ANO2: variants seen among roughly 807,000 people sequenced by gnomAD.
The protein encoded by ANO2 is anoctamin-2.
ANO2 carries 101 observed loss-of-function variants against 124.2 expected under a neutral mutation model. The observed-to-expected ratio is 0.81, with a 90% CI of 0.69 to 0.96. The LOEUF (loss-of-function observed/expected upper bound fraction) is 0.96, where lower values mean the gene tolerates loss of function less well. Among genes scored for constraint, ANO2 ranks in the 40% least tolerant of loss-of-function variants. The pLI is 0.00. For missense variants in ANO2, 1,293 were observed against 1,274.5 expected (o/e 1.01, Z -0.22); for synonymous variants, 486 against 482.5 (o/e 1.01, Z -0.09).
chr12:5,854,235 C>T (rs966201375), intron 3 of ANO2, 94 bp from the exon 4 acceptor site: 17 of 1,124,108 alleles, frequency 1.5e-5, no homozygotes, highest in African/African-American at 9.4e-5. Flanking sequence ...GAGCCCAACC[C>T]GTTGTTCTTC....
intron 11 of ANO2, among the ~76,000 whole-genome samples, chr12:5,745,902 A>G (rs1186025856): frequency 6.6e-6 from 1 of 152,160 alleles, no homozygotes; most frequent in African/African-American, 2.4e-5. Context: ...TCTGGGTCAG[A>G]CCTGTGTTTG....
At chr12:5,941,696 T>C (rs919028312) in intron 1 of ANO2, among the ~76,000 whole-genome samples, 2 of 150,042 alleles carry the variant, frequency 1.3e-5, no homozygotes, top group African/African-American at 4.9e-5. Flanking sequence ...CACACCTAGA[T>C]ACATCAGAGT....
chr12:5,699,980 C>T (rs1949337919), intron 14 of ANO2, among the ~76,000 whole-genome samples: 2 of 152,322 alleles, frequency 1.3e-5, no homozygotes, highest in South Asian at 4.2e-4. Context: ...GACTCCCACA[C>T]AGTCATAATG....
At chr12:5,739,287 A>G (rs1385973098) in intron 13 of ANO2, 30 bp downstream of exon 13, 2 of 1,547,954 alleles carry the variant, frequency 1.3e-6, no homozygotes, top group South Asian at 2.4e-5. Flanking sequence ...AGCCCACAGA[A>G]GTATGTGAGA....
intron 1 of ANO2, among the ~76,000 whole-genome samples, chr12:5,928,493 C>T (rs879741145): frequency 0.12 from 15,884 of 133,036 alleles, 5,537 homozygotes; most frequent in East Asian, 0.34. Flanking sequence ...TCCTTCCTCA[C>T]TGGTCTACTT....
chr12:5,604,219 T>G (rs1944097000), intron 19 of ANO2, among the ~76,000 whole-genome samples: 1 of 151,966 alleles, frequency 6.6e-6, no homozygotes, highest in African/African-American at 2.4e-5. Flanking sequence ...AGGGCATGTG[T>G]GTGGTTGGTG....
intron 10 of ANO2, among the ~76,000 whole-genome samples, chr12:5,785,913 T>G (rs1952526641): frequency 6.6e-6 from 1 of 152,136 alleles, no homozygotes; most frequent in South Asian, 2.1e-4. Context: ...TAAGTGCCTC[T>G]GATATACACC....
At chr12:5,727,393 C>G (rs756780980) in intron 14 of ANO2, among the ~76,000 whole-genome samples, 12 of 151,924 alleles carry the variant, frequency 7.9e-5, no homozygotes, top group South Asian at 6.2e-4. Flanking sequence ...TTTCTAAACC[C>G]TACAGAACCA....
intron 12 of ANO2, 26 bp from the exon 13 acceptor site, chr12:5,739,425 A>C (rs1234254358): frequency 6.4e-7 from 1 of 1,561,506 alleles, no homozygotes; most frequent in African/African-American, 1.4e-5. Flanking sequence ...AAGAACAAAA[A>C]CCTTGATTAT....
intron 14 of ANO2, among the ~76,000 whole-genome samples, chr12:5,701,412 C>T (rs1949401625): frequency 6.6e-6 from 1 of 151,974 alleles, no homozygotes. Context: ...CCATTTTATC[C>T]ATTTCCTTGG....
chr12:5,752,342 C>T (rs1345962078), intron 10 of ANO2, among the ~76,000 whole-genome samples: 1 of 152,172 alleles, frequency 6.6e-6, no homozygotes, highest in Non-Finnish European at 1.5e-5. Flanking sequence ...AACAAGGGTT[C>T]CCTTTTCTCC....
At chr12:5,585,673 T>G (rs1328136866) in intron 20 of ANO2, among the ~76,000 whole-genome samples, 1 of 152,138 alleles carries the variant, frequency 6.6e-6, no homozygotes, top group African/African-American at 2.4e-5. Flanking sequence ...AAGATGGGAG[T>G]GTGAAGGACA....
At chr12:5,580,522 A>G (rs1379441345) in intron 20 of ANO2, among the ~76,000 whole-genome samples, 10 of 152,232 alleles carry the variant, frequency 6.6e-5, no homozygotes, top group Non-Finnish European at 1.5e-5. Context: ...CAGCAACCTC[A>G]TTGATAAATT....
intron 7 of ANO2, among the ~76,000 whole-genome samples, chr12:5,823,344 A>G (rs1270348398): frequency 6.6e-6 from 1 of 152,360 alleles, no homozygotes; most frequent in East Asian, 1.9e-4. Flanking sequence ...AATCAAAAGC[A>G]TGCTAGTTAC....
chr12:5,608,481 G>A (rs1389098494), intron 19 of ANO2, among the ~76,000 whole-genome samples: 3 of 151,848 alleles, frequency 2.0e-5, no homozygotes, highest in Non-Finnish European at 4.4e-5. Flanking sequence ...AAAGAGGGGT[G>A]GCTTGTATTT....
At chr12:5,927,376 T>C (rs1488499795) in intron 1 of ANO2, among the ~76,000 whole-genome samples, 1 of 152,136 alleles carries the variant, frequency 6.6e-6, no homozygotes, top group African/African-American at 2.4e-5. Context: ...CAGAGGCAGA[T>C]GAAGAAGGGG....
chr12:5,677,840 A>C (rs1948316919), intron 14 of ANO2, among the ~76,000 whole-genome samples: 1 of 152,202 alleles, frequency 6.6e-6, no homozygotes, highest in Non-Finnish European at 1.5e-5. Flanking sequence ...TCCCACTTCC[A>C]GCATGGGGGC....
intron 16 of ANO2, among the ~76,000 whole-genome samples, chr12:5,634,361 T>A (rs1169064703): frequency 6.6e-6 from 1 of 152,178 alleles, no homozygotes; most frequent in East Asian, 1.9e-4. Context: ...GTACTATGAA[T>A]GCAACCTCCG....
chr12:5,820,942 C>T (rs1035769988), intron 7 of ANO2, among the ~76,000 whole-genome samples: 1 of 152,256 alleles, frequency 6.6e-6, no homozygotes, highest in Non-Finnish European at 1.5e-5. Context: ...GTCCATTAGG[C>T]CCACCAGAAG....
Sources: gnomAD v4.1 joint callset for allele counts (sites outside exome capture counted in the v4.1 genomes callset) on GRCh38, gnomAD v4.1.1 for gene constraint, MANE v1.5 for transcripts, NCBI Gene and HGNC (gene_info 2026-07-23, HGNC 2026-07-21) for gene names.